SYCP1: variants seen among roughly 807,000 people sequenced by gnomAD.
SYCP1 encodes the protein cancer/testis antigen 8.
Under a neutral mutation model 153.1 loss-of-function variants are expected in SYCP1, and 64 were observed. The observed-to-expected ratio is 0.42, with a 90% confidence interval of 0.34 to 0.51. The LOEUF is 0.51. Among genes scored for constraint, SYCP1 ranks in the 20% least tolerant of loss-of-function variants. SYCP1 has a pLI of 0.06. For missense variants in SYCP1, 997 were observed against 1,049.0 expected (o/e 0.95, Z 0.68); for synonymous variants, 384 against 341.8 (o/e 1.12, Z -1.36).
At chr1:114,870,018 T>G (rs1323025425) in intron 8 of SYCP1, among the ~76,000 whole-genome samples, 1 of 152,144 alleles carries the variant, frequency 6.6e-6, no homozygotes, top group Admixed American at 6.6e-5. Context: ...TTTTTATTTA[T>G]TTATTTATTT....
rs141592745 is a variant in SYCP1 at position 114,995,159 on chromosome 1, AT to A, written c.*145del. 4.4e-3 allele frequency: 3,688 copies of A among 829,708 alleles called. 110 individuals carry two copies. The African/African-American group carries it at 0.059, about 13-fold the overall frequency. The allele number at this position is 829,708 out of a possible 1,614,324, so 51.4% of individuals were successfully genotyped here. On this transcript the variant is annotated 3_prime_UTR_variant, in exon 32 of 32. Coordinates refer to ENST00000369522, the MANE Select transcript of SYCP1 (RefSeq NM_003176.4). ...GCATGAATGATTTGTGTTTCTTTATATTTTTAGCCTAAATGTTAACTACATA... is the reference window on the plus strand; with the variant it reads ...GCATGAATGATTTGTGTTTCTTTATATTTTAGCCTAAATGTTAACTACATA...
At position 114,977,471 on chromosome 1, in the gene SYCP1, ATACT is replaced by A. The variant is rs1672874535; in HGVS notation, c.2323-81_2323-78del. 3 of 839,886 alleles carry A rather than the reference ATACT, an allele frequency of 3.6e-6. No homozygotes were observed. In the South Asian group the frequency reaches 5.8e-5, roughly 16 times the overall value. The allele number at this position is 839,886 out of a possible 1,614,324, so 52.0% of individuals were successfully genotyped here. A position where few individuals can be genotyped will look rare whatever the true frequency, so the allele number is the denominator to read the frequency against. The stretch of plus-strand genomic sequence containing the variant: ...AGAGGTTCGTCATCTTTCTTTGTTA[ATACT>A]TACTAGGAAAGATTTTGATAATATT... On this transcript the variant is annotated intron_variant, in intron 27 of 31. Transcript: ENST00000369522.
chr1:114,918,083 C>T (rs530089374), intron 20 of SYCP1, among the ~76,000 whole-genome samples: 1 of 152,082 alleles, frequency 6.6e-6, no homozygotes, highest in East Asian at 1.9e-4. Context: ...GGAGAGTTTC[C>T]TCGACGGTTT....
At position 114,994,979 on chromosome 1, in the gene SYCP1, G is replaced by GA. The variant is rs748774371; in HGVS notation, c.2901dup (p.Leu968ThrfsTer5). ...TGGGCTGTAATTGCTAAAATGGATA[G>GA]AAAAAAAAAACTAAAAGAAGCTGAA... On this transcript the variant is annotated frameshift_variant, in exon 32 of 32. Transcript: ENST00000369522. LOFTEE classifies it high-confidence loss of function. 0.025 allele frequency: 27,812 copies of GA among 1,123,636 alleles called. No homozygotes were observed. Among genetic ancestry groups the GA allele is most frequent in the South Asian group, 0.048 (2,924 of 61,312 alleles). The allele number at this position is 1,123,636 out of a possible 1,614,324, so 69.6% of individuals were successfully genotyped here.
chr1:114,944,479 G>C (rs1670566455), intron 24 of SYCP1, 24 bp downstream of exon 24: 7 of 1,302,832 alleles, frequency 5.4e-6, no homozygotes, highest in Non-Finnish European at 7.5e-6. Flanking sequence ...AATGTATTAA[G>C]AACTTATTAT....
intron 29 of SYCP1, among the ~76,000 whole-genome samples, chr1:114,981,756 G>C (rs917567886): frequency 1.3e-5 from 2 of 151,990 alleles, no homozygotes; most frequent in African/African-American, 4.8e-5. Context: ...GATTATAGGT[G>C]TAAGCCACTG....
chr1:114,958,379 A>G (rs1671565764), intron 27 of SYCP1, among the ~76,000 whole-genome samples: 1 of 152,182 alleles, frequency 6.6e-6, no homozygotes, highest in Non-Finnish European at 1.5e-5. Context: ...TTGGTAGCAC[A>G]ATAGGGCTAG....
At chr1:114,981,606 A>G in intron 29 of SYCP1, 94 bp downstream of exon 29, 3 of 1,105,948 alleles carry the variant, frequency 2.7e-6, no homozygotes, top group South Asian at 1.6e-5. Flanking sequence ...GCACACATAT[A>G]TAACTAGTTT....
At chr1:114,893,644 T>C (rs11806692) in intron 15 of SYCP1, among the ~76,000 whole-genome samples, 4,769 of 152,296 alleles carry the variant, frequency 0.031, 124 homozygotes, top group Non-Finnish European at 0.042. Flanking sequence ...TTCATTGTTT[T>C]GCTTTTCTTC....
At chr1:114,920,839 C>T (rs747781344) in intron 20 of SYCP1, among the ~76,000 whole-genome samples, 35 of 151,702 alleles carry the variant, frequency 2.3e-4, no homozygotes, top group Admixed American at 4.6e-4. Context: ...TTTCTTTTAC[C>T]GTTCCTATAT....
rs746894952 is a variant in SYCP1 at position 114,908,080 on chromosome 1, G to A, written c.1321-2317G>A. Among the ~76,000 whole-genome samples the A allele has an allele frequency of 1.3e-4, 20 of 152,020 alleles. No individual in the cohort carries two copies. In the Middle Eastern group the frequency reaches 0.014, roughly 104 times the overall value. On this transcript the variant is annotated intron_variant, in intron 16 of 31. Coordinates refer to ENST00000369522, the MANE Select transcript of SYCP1 (RefSeq NM_003176.4). ...TAATATTGTTCTCCTTCAGCCTAAA[G>A]AACTTCCTTTAGTATTTCTTGTAGT...
Position 114,871,211 on chromosome 1 carries a change from A to T in SYCP1, c.599-3295A>T, listed in dbSNP as rs941348070. ...GATACAGAGTCTTGTTTTATTGCCC[A>T]GATTGGAGTGCAGTGGTGCCATCTC... On this transcript the variant is annotated intron_variant, in intron 8 of 31. Transcript: ENST00000369522. Among the ~76,000 whole-genome samples the T allele has an allele frequency of 4.7e-5, 7 of 149,354 alleles. No homozygotes were observed. In the East Asian group the frequency reaches 1.4e-3, roughly 29 times the overall value.
chr1:114,909,495 TACACACACACACACAC>T lies in SYCP1; in HGVS notation c.1321-877_1321-862del, dbSNP rs57520899. Among the ~76,000 whole-genome samples, 21 of 106,504 alleles carry T rather than the reference TACACACACACACACAC, an allele frequency of 2.0e-4. No homozygotes were observed. In the East Asian group the frequency reaches 3.7e-3, roughly 19 times the overall value. The allele number at this position is 106,504 out of a possible 152,430, so 69.9% of individuals were successfully genotyped here. A position where few individuals can be genotyped will look rare whatever the true frequency, so the allele number is the denominator to read the frequency against. On this transcript the variant is annotated intron_variant, in intron 16 of 31. Coordinates refer to ENST00000369522, the MANE Select transcript of SYCP1 (RefSeq NM_003176.4). ...TTCTTTCCCTCTCTCTCCCTTGCTG[TACACACACACACACAC>T]ACACACACACACACACACACACACG...
intron 28 of SYCP1, 80 bp downstream of exon 28, chr1:114,977,696 A>G (rs1425379156): frequency 4.3e-6 from 4 of 922,534 alleles, no homozygotes; most frequent in African/African-American, 3.4e-5. Flanking sequence ...TTTGTTTATA[A>G]GTAGGAAAAT....
chr1:114,887,830 T>C (rs1441168315), intron 15 of SYCP1, 137 bp downstream of exon 15: 3 of 521,830 alleles, frequency 5.7e-6, no homozygotes, highest in Admixed American at 4.2e-5. Flanking sequence ...TTTATTTCAA[T>C]ATTTGAAGGT....
At chr1:114,875,854 A>G (rs1665492820) in intron 9 of SYCP1, among the ~76,000 whole-genome samples, 1 of 152,212 alleles carries the variant, frequency 6.6e-6, no homozygotes, top group South Asian at 2.1e-4. Context: ...TGTATTGTAT[A>G]ACATGTTGCC....
At chr1:114,904,410 C>T (rs1667687964) in intron 16 of SYCP1, among the ~76,000 whole-genome samples, 1 of 152,054 alleles carries the variant, frequency 6.6e-6, no homozygotes, top group African/African-American at 2.4e-5. Flanking sequence ...GCCACCTCGC[C>T]CCGCCTAGAA....
intron 16 of SYCP1, among the ~76,000 whole-genome samples, chr1:114,903,430 A>G (rs1412590948): frequency 6.6e-6 from 1 of 152,186 alleles, no homozygotes; most frequent in Admixed American, 6.5e-5. Flanking sequence ...TTGAAGAAGT[A>G]AGGATTGAAC....
intron 30 of SYCP1, among the ~76,000 whole-genome samples, chr1:114,992,787 T>G (rs959923478): frequency 6.6e-6 from 1 of 151,512 alleles, no homozygotes; most frequent in African/African-American, 2.4e-5. Flanking sequence ...TAAATTGGAC[T>G]GCATCAAAAT....
Sources: gnomAD v4.1 joint callset for allele counts (sites outside exome capture counted in the v4.1 genomes callset) on GRCh38, gnomAD v4.1.1 for gene constraint, MANE v1.5 for transcripts, NCBI Gene and HGNC (gene_info 2026-07-23, HGNC 2026-07-21) for gene names.